Variants in ZNF324B observed in about 807,000 individuals in gnomAD.
The protein encoded by ZNF324B is zinc finger protein 324B.
ZNF324B carries 7 observed loss-of-function variants against 10.6 expected under a neutral mutation model. The observed-to-expected ratio is 0.66, with a 90% CI of 0.38 to 1.24. The LOEUF (loss-of-function observed/expected upper bound fraction) is 1.24. Ranked by LOEUF, ZNF324B falls within the 50% of genes most tolerant of loss-of-function variation. The probability of loss-of-function intolerance (pLI) is 0.02; values close to 1 mark genes in which losing one functional copy is unlikely to be tolerated. For missense variants in ZNF324B, 640 were observed against 764.7 expected (o/e 0.84, Z 1.92); for synonymous variants, 316 against 321.0 (o/e 0.98, Z 0.17).
rs763754868 is a variant in ZNF324B, at chr19:58,456,456, C to T, written c.1512C>T (p.Thr504=). The T allele has an allele frequency of 5.6e-6, 9 of 1,613,878 alleles. No individual in the cohort carries two copies. The highest frequency in any genetic ancestry group is 7.6e-6 in the Non-Finnish European group (9 of 1,180,030). Residue 504 remains threonine, a synonymous_variant, in exon 4 of 4, where the codon ACC becomes ACT. Transcript: ENST00000336614. This position sits in a 1 kb window ranked among gnomAD's most constrained non-coding sequence, Gnocchi z 4.7. ...TCTTGCACCACCAGAGGATCCACAC[C>T]ACAGAGAAGACCAATGCCGCAGCAC... is the stretch of plus-strand genomic sequence containing the variant. ...PALLHHQRIH[T]TEKTNAAAPD...
chr19:58,448,348 C>G (rs1400795825), upstream of ZNF324B, among the ~76,000 whole-genome samples: 1 of 152,198 alleles, frequency 6.6e-6, no homozygotes, highest in Non-Finnish European at 1.5e-5. Flanking sequence ...AAAGGTGATG[C>G]TTGCTATGTT....
chr19:58,447,638 G>T (rs2052833708), upstream of ZNF324B, among the ~76,000 whole-genome samples: 1 of 152,156 alleles, frequency 6.6e-6, no homozygotes, highest in Non-Finnish European at 1.5e-5. Flanking sequence ...GGAGGCTGAG[G>T]CAGGTGGATT....
the ZNF324B span, chr19:58,432,186 C>T: frequency 5.0e-6 from 2 of 398,978 alleles, no homozygotes; most frequent in Admixed American, 6.2e-5. Context: ...AACCACTTTC[C>T]TGGACGTCAG....
chr19:58,456,839 G>C lies in ZNF324B; in HGVS notation c.*260G>C. ...GACATGTCAGCTGGAACTCTGGTGG[G>C]GCTGAGGCTGTAGTTGGGGCCATAG... On this transcript the variant is annotated 3_prime_UTR_variant, in exon 4 of 4. Transcript: ENST00000336614. This position sits in a 1 kb window ranked among gnomAD's most constrained non-coding sequence, Gnocchi z 4.7. 1.8e-6 allele frequency: 1 copy of C among 570,060 alleles called. No homozygotes were observed. The highest frequency in any genetic ancestry group is 2.3e-5 in the South Asian group (1 of 43,932). 35.3% of individuals were successfully genotyped at this position (570,060 alleles called of 1,614,324 possible). A position where few individuals can be genotyped will look rare whatever the true frequency, so the allele number is the denominator to read the frequency against.
At chr19:58,433,149 A>T in the ZNF324B span, 27 of 683,328 alleles carry the variant, frequency 4.0e-5, no homozygotes, top group African/African-American at 4.7e-4. Context: ...CTTATGCTGC[A>T]TGGGTGAGAT....
the ZNF324B span, chr19:58,428,706 G>A: frequency 4.6e-5 from 7 of 152,202 alleles, no homozygotes; most frequent in African/African-American, 1.7e-4. Flanking sequence ...GTCCTGAGAA[G>A]TTCTGTACAC....
chr19:58,456,830 C>T lies in ZNF324B; in HGVS notation c.*251C>T. ...CAGAGGGAGGACATGTCAGCTGGAA[C>T]TCTGGTGGGGCTGAGGCTGTAGTTG... On this transcript the variant is annotated 3_prime_UTR_variant, in exon 4 of 4. Transcript: ENST00000336614. The surrounding 1 kb of genome is among the most constrained non-coding windows in gnomAD (Gnocchi z 4.7). The T allele has an allele frequency of 1.7e-6, 1 of 580,490 alleles. No individual in the cohort carries two copies. Among genetic ancestry groups the T allele is most frequent in the South Asian group, 2.2e-5 (1 of 44,940 alleles). The allele number at this position is 580,490 out of a possible 1,614,324, so 36.0% of individuals were successfully genotyped here.
At chr19:58,449,760 A>G (rs780134564), upstream of ZNF324B, among the ~76,000 whole-genome samples, 1 of 152,124 alleles carries the variant, frequency 6.6e-6, no homozygotes, top group African/African-American at 2.4e-5. Flanking sequence ...CTGTACCCCA[A>G]TTGTATCTAG....
the ZNF324B span, chr19:58,436,387 C>T: frequency 6.5e-6 from 1 of 153,750 alleles, no homozygotes; most frequent in African/African-American, 2.4e-5. Context: ...TCACTGGGGG[C>T]TGGGCGTGGT....
chr19:58,455,137 C>T lies in ZNF324B; in HGVS notation c.239-46C>T, dbSNP rs746655071. 1 of 1,612,958 alleles carries T rather than the reference C, an allele frequency of 6.2e-7. No homozygotes were observed. On this transcript the variant is annotated intron_variant, in intron 3 of 3. Coordinates refer to ENST00000336614, the MANE Select transcript of ZNF324B (RefSeq NM_207395.3). This position sits in a 1 kb window ranked among gnomAD's most constrained non-coding sequence, Gnocchi z 7.0. The stretch of plus-strand genomic sequence containing the variant: ...TGTCCACTCAGCCTGCCCTGGTCCT[C>T]TCCTAACCAGGATGCCCCAGGCAAC...
chr19:58,438,623 A>G, the ZNF324B span, among the ~76,000 whole-genome samples: 43 of 151,680 alleles, frequency 2.8e-4, no homozygotes, highest in African/African-American at 9.2e-4. Flanking sequence ...ACAGGCACCC[A>G]CCACCACGCC....
rs186216571 is a variant in ZNF324B at position 58,452,970 on chromosome 19, G to A, written c.-6-726G>A. On this transcript the variant is annotated intron_variant, in intron 1 of 3. Transcript: ENST00000336614. ...AAAAATTAGCCAGGTGTGGTGGCGGGAGGCTGAGGCAGGAGAATGGCGTGA... is the reference window on the plus strand; with the variant it reads ...AAAAATTAGCCAGGTGTGGTGGCGGAAGGCTGAGGCAGGAGAATGGCGTGA... 5.1e-3 allele frequency among the ~76,000 whole-genome samples: 771 copies of A among 152,162 alleles called. 6 individuals are homozygous for A. Among genetic ancestry groups the A allele is most frequent in the African/African-American group, 0.018 (735 of 41,494 alleles).
chr19:58,451,770 C>T, intron 1 of ZNF324B, 66 bp downstream of exon 1: 1 of 346,368 alleles, frequency 2.9e-6, no homozygotes, highest in Non-Finnish European at 5.6e-6. Context: ...CGTGGTCGGC[C>T]CGGGGGCGGT....
chr19:58,438,840 A>T, the ZNF324B span, among the ~76,000 whole-genome samples: 14 of 151,184 alleles, frequency 9.3e-5, no homozygotes, highest in African/African-American at 3.2e-4. Flanking sequence ...GCACGATCTC[A>T]GCTCAATGCA....
At chr19:58,424,190 A>G in the ZNF324B span, among the ~76,000 whole-genome samples, 7 of 152,126 alleles carry the variant, frequency 4.6e-5, no homozygotes, top group African/African-American at 1.7e-4. Flanking sequence ...CGGAGGTTGC[A>G]GTGAGCTGAG....
At chr19:58,425,472 CT>C in the ZNF324B span, among the ~76,000 whole-genome samples, 5,114 of 135,144 alleles carry the variant, frequency 0.038, 199 homozygotes, top group African/African-American at 0.1. Flanking sequence ...TCCTTCTTTC[CT>C]TTTTTTTTTT....
In ZNF324B at chr19:58,456,359, G is replaced by A. The variant is rs375073977; in HGVS notation, c.1415G>A (p.Arg472Gln). 6.8e-6 allele frequency: 11 copies of A among 1,612,416 alleles called. No individual in the cohort carries two copies. In the African/African-American group the frequency reaches 1.1e-4, roughly 16 times the overall value. Residue 472 changes from arginine to glutamine, a missense_variant, in exon 4 of 4, where the codon CGG (arginine) becomes CAG (glutamine). Arg to Gln is a conservative substitution (Grantham distance 43, BLOSUM62 1). Transcript: ENST00000336614. The surrounding 1 kb of genome is among the most constrained non-coding windows in gnomAD (Gnocchi z 4.7). ...FAKGAVLLSH[R>Q]RIHTGEKPFV... ...AAGGGCGCCGTGCTGCTCAGCCACC[G>A]GCGCATTCACACGGGCGAGAAGCCC...
the ZNF324B span, among the ~76,000 whole-genome samples, chr19:58,421,702 A>G: frequency 1.3e-5 from 2 of 152,186 alleles, no homozygotes; most frequent in Non-Finnish European, 2.9e-5. Context: ...AATGTAATTT[A>G]TAAGAGCATA....
At chr19:58,425,778 T>C in the ZNF324B span, among the ~76,000 whole-genome samples, 1 of 152,116 alleles carries the variant, frequency 6.6e-6, no homozygotes, top group Non-Finnish European at 1.5e-5. Flanking sequence ...GCCTGAGATA[T>C]TTCTTTATAG....
Sources: allele counts gnomAD v4.1 joint callset (sites outside exome capture counted in the v4.1 genomes callset), GRCh38; gene constraint gnomAD v4.1.1; non-coding constraint Gnocchi (gnomAD v3.1); transcripts MANE v1.5; gene names NCBI Gene and HGNC (gene_info 2026-07-23, HGNC 2026-07-21).